The following CPNE5 variants were observed in gnomAD, a reference collection of about 807,000 sequenced individuals.
CPNE5 encodes the protein copine-5.
CPNE5 carries 42 observed loss-of-function variants against 81.1 expected under a neutral mutation model. The observed-to-expected ratio is 0.52, with a 90% CI of 0.40 to 0.67. The LOEUF is 0.67. CPNE5 is among the 30% of genes least tolerant of loss of function. CPNE5 has a pLI of 0.00. For synonymous variants in CPNE5, 313 were observed against 321.5 expected (o/e 0.97, Z 0.28); for missense variants, 612 against 815.5 (o/e 0.75, Z 3.04).
At chr6:36,751,556 G>A (rs552213490) in intron 14 of CPNE5, among the ~76,000 whole-genome samples, 6 of 152,178 alleles carry the variant, frequency 3.9e-5, no homozygotes, top group African/African-American at 4.8e-5. Flanking sequence ...TTGGGAGGCC[G>A]AGGCAGGCGA....
At chr6:36,777,136 G>T (rs1255941718) in intron 9 of CPNE5, among the ~76,000 whole-genome samples, 1 of 147,130 alleles carries the variant, frequency 6.8e-6, no homozygotes, top group Non-Finnish European at 1.5e-5. Context: ...CTGCTGCTCT[G>T]CAAGCACTCT....
chr6:36,758,414 T>C (rs1168891939), intron 12 of CPNE5, among the ~76,000 whole-genome samples: 1 of 146,524 alleles, frequency 6.8e-6, no homozygotes, highest in Non-Finnish European at 1.5e-5. Flanking sequence ...CATGTCTGGC[T>C]ATTTTTTTTT....
At chr6:36,811,379 T>C (rs1771088974) in intron 3 of CPNE5, among the ~76,000 whole-genome samples, 1 of 152,254 alleles carries the variant, frequency 6.6e-6, no homozygotes, top group African/African-American at 2.4e-5. Flanking sequence ...TTAGGGCTTC[T>C]TATAAGAAGA....
intron 8 of CPNE5, 72 bp downstream of exon 8, chr6:36,791,961 T>G: frequency 3.7e-6 from 5 of 1,363,852 alleles, no homozygotes; most frequent in Non-Finnish European, 5.2e-6. Context: ...CTCCAGGGGC[T>G]CAGGGAGGCC....
At chr6:36,804,137 G>A (rs1222361077) in intron 3 of CPNE5, among the ~76,000 whole-genome samples, 1 of 152,234 alleles carries the variant, frequency 6.6e-6, no homozygotes, top group Non-Finnish European at 1.5e-5. Context: ...AGATCACACA[G>A]CAAGGCAGAG....
At chr6:36,780,185 G>A (rs1169032925) in intron 8 of CPNE5, among the ~76,000 whole-genome samples, 5 of 152,058 alleles carry the variant, frequency 3.3e-5, no homozygotes, top group African/African-American at 4.8e-5. Flanking sequence ...AGATGGTCTC[G>A]ATATTCTGAC....
At chr6:36,779,075 T>G (rs1241705941) in intron 8 of CPNE5, 118 bp from the exon 9 acceptor site, 1 of 685,796 alleles carries the variant, frequency 1.5e-6, no homozygotes, top group Non-Finnish European at 2.6e-6. Context: ...ACCGACTAAG[T>G]GCCAGGCCCT....
rs755102009 is a variant in CPNE5 at position 36,762,940 on chromosome 6, G to T, written c.832C>A (p.Gln278Lys). ...TTSYRELARG[Q>K]SQFNIYEVVN... The stretch of plus-strand genomic sequence containing the variant: ...ACCTCATAGATGTTGAATTGGCTCT[G>T]CCCACGGGCCAGCTCCCGGTAACTG... The change falls in exon 12 of 21, where the codon CAG (glutamine) becomes AAG (lysine). Residue 278 changes from glutamine to lysine, a missense_variant. Transcript: ENST00000244751. 1.9e-6 allele frequency: 3 copies of T among 1,614,122 alleles called. No homozygotes were observed. Among genetic ancestry groups the T allele is most frequent in the Non-Finnish European group, 2.5e-6 (3 of 1,180,002 alleles).
intron 14 of CPNE5, among the ~76,000 whole-genome samples, chr6:36,750,845 T>C (rs1437160316): frequency 6.6e-6 from 1 of 152,180 alleles, no homozygotes. Flanking sequence ...AGGCAGGCCT[T>C]GCTCTAACTA....
chr6:36,750,092 T>G (rs929055), intron 14 of CPNE5, among the ~76,000 whole-genome samples: 27,975 of 152,182 alleles, frequency 0.18, 2,665 homozygotes, highest in African/African-American at 0.23. Flanking sequence ...TGAAAAAATG[T>G]CCACTGCCTT....
chr6:36,746,459 G>A lies in CPNE5; in HGVS notation c.1137C>T (p.Phe379=). Residue 379 remains phenylalanine, a synonymous_variant, in exon 16 of 21, where the codon TTC becomes TTT. Coordinates refer to ENST00000244751, the MANE Select transcript of CPNE5 (RefSeq NM_020939.2). The surrounding 1 kb of genome is among the most constrained non-coding windows in gnomAD (Gnocchi z 4.5). ...GCTTGGCCCCGAAGCCCAGGGCAGG[G>A]AACATCTTGTCACTGTCGTAGTGCT... ...IIQHYDSDKM[F]PALGFGAKLP... is the part of the protein sequence containing the mutation. 1 of 1,613,628 alleles carries A rather than the reference G, an allele frequency of 6.2e-7. No individual in the cohort carries two copies. The highest frequency in any genetic ancestry group is 8.5e-7 in the Non-Finnish European group (1 of 1,179,754).
intron 8 of CPNE5, among the ~76,000 whole-genome samples, chr6:36,790,933 C>T (rs1561789603): frequency 6.6e-6 from 1 of 152,176 alleles, no homozygotes; most frequent in African/African-American, 2.4e-5. Context: ...GGAATTAATA[C>T]ATACATTAAA....
At chr6:36,801,705 G>A (rs1770114590) in intron 3 of CPNE5, among the ~76,000 whole-genome samples, 1 of 152,186 alleles carries the variant, frequency 6.6e-6, no homozygotes, top group South Asian at 2.1e-4. Flanking sequence ...GCCAGTCACA[G>A]TAGGACAAAT....
intron 15 of CPNE5, 113 bp downstream of exon 15, chr6:36,748,108 G>C: frequency 1.1e-6 from 1 of 943,604 alleles, no homozygotes; most frequent in South Asian, 1.3e-5. Context: ...CATCCTCTTT[G>C]GTGAGGAAGA....
Position 36,742,075 on chromosome 6 carries a change from A to T in CPNE5, c.*193T>A. 1.7e-6 allele frequency: 1 copy of T among 578,600 alleles called. No homozygotes were observed. Among genetic ancestry groups the T allele is most frequent in the South Asian group, 2.2e-5 (1 of 45,456 alleles). The allele number at this position is 578,600 out of a possible 1,614,324, so 35.8% of individuals were successfully genotyped here. A position where few individuals can be genotyped will look rare whatever the true frequency, so the allele number is the denominator to read the frequency against. On this transcript the variant is annotated 3_prime_UTR_variant, in exon 21 of 21. Coordinates refer to ENST00000244751, the MANE Select transcript of CPNE5 (RefSeq NM_020939.2). Reference sequence around the variant, plus strand: ...CCCCTCTTTCACCCGTACCCCCCTAACTCCCTGGGTTTGGGCAATAAGTGA... The same window carrying T: ...CCCCTCTTTCACCCGTACCCCCCTATCTCCCTGGGTTTGGGCAATAAGTGA...
intron 14 of CPNE5, among the ~76,000 whole-genome samples, chr6:36,751,276 A>G (rs1764790750): frequency 2.0e-5 from 3 of 152,150 alleles, no homozygotes; most frequent in African/African-American, 7.2e-5. Flanking sequence ...CAGCCCTTTA[A>G]CTCATCAGTC....
At chr6:36,744,614 C>T (rs1218066562) in intron 18 of CPNE5, 5 of 509,876 alleles carry the variant, frequency 9.8e-6, no homozygotes, top group African/African-American at 5.7e-5. Flanking sequence ...GGGAGACCAC[C>T]GGCTTGGGGA....
In CPNE5 at chr6:36,746,530, G is replaced by T. The variant is rs747154206; in HGVS notation, c.1066C>A (p.Leu356Met). 5.6e-6 allele frequency: 9 copies of T among 1,613,744 alleles called. No homozygotes were observed. Among genetic ancestry groups the T allele is most frequent in the Non-Finnish European group, 7.6e-6 (9 of 1,179,728 alleles). ...GTCAGCGCCAGCGCGTAGGCGTTCA[G>T]CTGGTAGGGGCTCATGTAGTGCAGG... ...TSLHYMSPYQLNAYALALTAV... is the reference protein window; with the variant it reads ...TSLHYMSPYQMNAYALALTAV... The change falls in exon 16 of 21, where the codon CTG becomes ATG. Residue 356 changes from leucine to methionine, a missense_variant. Coordinates refer to ENST00000244751, the MANE Select transcript of CPNE5 (RefSeq NM_020939.2). This position sits in a 1 kb window ranked among gnomAD's most constrained non-coding sequence, Gnocchi z 4.5.
intron 3 of CPNE5, among the ~76,000 whole-genome samples, chr6:36,801,766 T>C (rs76784278): frequency 0.02 from 3,085 of 152,238 alleles, 91 homozygotes; most frequent in African/African-American, 0.069. Flanking sequence ...AATTCATCGA[T>C]GCAGAAAGTA....
Sources: allele counts gnomAD v4.1 joint callset (sites outside exome capture counted in the v4.1 genomes callset), GRCh38; gene constraint gnomAD v4.1.1; non-coding constraint Gnocchi (gnomAD v3.1); transcripts MANE v1.5; gene names NCBI Gene and HGNC (gene_info 2026-07-23, HGNC 2026-07-21).